Variants in CDK5RAP1 observed in about 807,000 individuals in gnomAD.
The protein encoded by CDK5RAP1 is mitochondrial tRNA methylthiotransferase CDK5RAP1.
Under a neutral mutation model 64.5 loss-of-function variants are expected in CDK5RAP1, and 62 were observed. That is an observed-to-expected ratio of 0.96 (90% CI 0.78 to 1.19). CDK5RAP1 has a LOEUF of 1.19. CDK5RAP1 is among the 50% of genes most tolerant of loss of function. CDK5RAP1 has a pLI of 0.00. For synonymous variants in CDK5RAP1, 250 were observed against 261.9 expected, an observed-to-expected ratio of 0.95 and a Z score of 0.44; for missense variants, 657 against 735.0, an observed-to-expected ratio of 0.89 and a Z score of 1.23.
At chr20:33,370,375 CG>C (rs1984775118) in intron 11 of CDK5RAP1, 123 bp downstream of exon 11, 2 of 937,968 alleles carry the variant, frequency 2.1e-6, no homozygotes, top group Non-Finnish European at 1.6e-6. Flanking sequence ...GGAAGTGAAT[CG>C]TAAGAGCCTG....
chr20:33,384,725 G>T (rs1215097947), intron 7 of CDK5RAP1, among the ~76,000 whole-genome samples: 2 of 152,036 alleles, frequency 1.3e-5, no homozygotes, highest in Non-Finnish European at 2.9e-5. Context: ...AGCATAGTGA[G>T]ACCTCATCTC....
Position 33,360,404 on chromosome 20 carries a change from T to A in CDK5RAP1, c.1630A>T (p.Asn544Tyr). The change falls in exon 13 of 14, where the codon AAT (asparagine) becomes TAT (tyrosine). Residue 544 changes from asparagine (N) to tyrosine (Y), a missense_variant. By Grantham distance (143) the Asn-to-Tyr change is moderately radical (BLOSUM62 -2). Coordinates refer to ENST00000346416, the MANE Select transcript of CDK5RAP1 (RefSeq NM_016408.4). ...GCTCTGACCCTGAGCCCAGGGTTATTGACATCCTCCATCTCTGCATCAGGG... is the reference window on the plus strand; with the variant it reads ...GCTCTGACCCTGAGCCCAGGGTTATAGACATCCTCCATCTCTGCATCAGGG... The part of the protein sequence containing the change: ...IFPDAEMEDV[N>Y]NPGLRVRAQP... 6.2e-7 allele frequency: 1 copy of A among 1,613,998 alleles called. No individual in the cohort carries two copies. The highest frequency in any genetic ancestry group is 8.5e-7 in the Non-Finnish European group (1 of 1,179,884).
intron 10 of CDK5RAP1, among the ~76,000 whole-genome samples, chr20:33,372,395 A>C (rs559425214): frequency 6.6e-6 from 1 of 152,318 alleles, no homozygotes; most frequent in African/African-American, 2.4e-5. Flanking sequence ...AGACCATAGA[A>C]AAGGAATCTC....
Position 33,397,069 on chromosome 20 carries a change from C to G in CDK5RAP1, c.-5G>C, listed in dbSNP as rs199749497. The G allele has an allele frequency of 1.0e-3, 1,596 of 1,592,206 alleles. 3 individuals are homozygous for G. Among genetic ancestry groups the G allele is most frequent in the Non-Finnish European group, 1.0e-3 (1,184 of 1,169,180 alleles). ...GACACACTGTAAAGGGTGCATGGCA[C>G]TAAACAGCCCACAGTCTGCAAAAGA... On this transcript the variant is annotated 5_prime_UTR_variant, in exon 2 of 14. Transcript: ENST00000346416.
In CDK5RAP1 at chr20:33,370,696, T is replaced by C. The variant is rs751285624; in HGVS notation, c.1262-67A>G. 8 of 1,557,544 alleles carry C rather than the reference T, an allele frequency of 5.1e-6. No individual in the cohort carries two copies. In the Middle Eastern group the frequency reaches 5.1e-4, roughly 99 times the overall value. The stretch of plus-strand genomic sequence containing the variant: ...TTACCTTCAAGGGAGGCCTTCAGCA[T>C]ATGTGGATTACAAGGGAGGGATAGC... On this transcript the variant is annotated intron_variant, in intron 10 of 13. Transcript: ENST00000346416.
intron 12 of CDK5RAP1, among the ~76,000 whole-genome samples, chr20:33,361,680 C>T (rs763682404): frequency 4.4e-4 from 31 of 70,866 alleles, no homozygotes; most frequent in Non-Finnish European, 7.7e-4. Flanking sequence ...TCTGGCCAGG[C>T]GCAGTGGCTC....
chr20:33,367,027 AGAG>A lies in CDK5RAP1; in HGVS notation c.1393-22_1393-20del. ...GTGTCTTCTATTAAAAAAAAAAAAA[AGAG>A]AGAAGATGGAGGTCACCAAGGACTT... On this transcript the variant is annotated intron_variant, in intron 11 of 13. Transcript: ENST00000346416. 6.3e-7 allele frequency: 1 copy of A among 1,590,736 alleles called. No individual in the cohort carries two copies. Among genetic ancestry groups the A allele is most frequent in the Non-Finnish European group, 8.5e-7 (1 of 1,170,862 alleles).
At chr20:33,384,644 G>A (rs1042744227) in intron 7 of CDK5RAP1, among the ~76,000 whole-genome samples, 2 of 152,126 alleles carry the variant, frequency 1.3e-5, no homozygotes, top group African/African-American at 4.8e-5. Flanking sequence ...GCTCATGACT[G>A]TAATCCCAGC....
rs766215061 is a variant in CDK5RAP1 at position 33,385,696 on chromosome 20, C to T, written c.830G>A (p.Arg277Gln). 4.3e-6 allele frequency: 7 copies of T among 1,613,980 alleles called. No homozygotes were observed. The highest frequency in any genetic ancestry group is 5.9e-6 in the Non-Finnish European group (7 of 1,179,992). The stretch of plus-strand genomic sequence containing the variant: ...TTCCTCTAGAATGGAGGCAATAGGC[C>T]GACTCCTCTCCCTGCCCCGGGTGAA... ...VPFTRGRERS[R>Q]PIASILEEVK... is the part of the protein sequence containing the mutation. The change falls in exon 7 of 14, where the codon CGG (arginine) becomes CAG (glutamine). Residue 277 changes from arginine (R) to glutamine (Q), a missense_variant. Physicochemically the swap from Arg to Gln is conservative, Grantham distance 43. Coordinates refer to ENST00000346416, the MANE Select transcript of CDK5RAP1 (RefSeq NM_016408.4).
At chr20:33,375,529 T>C (rs1218511047) in intron 8 of CDK5RAP1, among the ~76,000 whole-genome samples, 1 of 152,008 alleles carries the variant, frequency 6.6e-6, no homozygotes, top group Non-Finnish European at 1.5e-5. Flanking sequence ...TAAAGAACTT[T>C]TACAACTCAA....
At chr20:33,394,257 G>A (rs552605617) in intron 3 of CDK5RAP1, among the ~76,000 whole-genome samples, 191 bp from the exon 4 acceptor site, 38 of 150,864 alleles carry the variant, frequency 2.5e-4, no homozygotes, top group East Asian at 9.7e-4. Context: ...CCTCCCGAGC[G>A]GTTCAAGCAA....
intron 7 of CDK5RAP1, among the ~76,000 whole-genome samples, chr20:33,383,223 G>A (rs1423216151): frequency 6.6e-6 from 1 of 151,990 alleles, no homozygotes; most frequent in East Asian, 1.9e-4. Flanking sequence ...ATTTTTAAAT[G>A]TTTAAAAAAG....
rs1373207449 is a variant in CDK5RAP1, at chr20:33,389,287, G to A, written c.545-1754C>T. Among the ~76,000 whole-genome samples the A allele has an allele frequency of 5.3e-5, 8 of 152,242 alleles. No homozygotes were observed. The East Asian group carries it at 1.6e-3, about 30-fold the overall frequency. On this transcript the variant is annotated intron_variant, in intron 5 of 13. Coordinates refer to ENST00000346416, the MANE Select transcript of CDK5RAP1 (RefSeq NM_016408.4). ...TCTGCCCGGCCGCGACCCCGTCTGG[G>A]AGGTGAGGAGCGTCTCTGCCCGGCC...
At chr20:33,382,250 C>T (rs1487253040) in intron 7 of CDK5RAP1, among the ~76,000 whole-genome samples, 1 of 152,142 alleles carries the variant, frequency 6.6e-6, no homozygotes, top group African/African-American at 2.4e-5. Context: ...GTAAAATACA[C>T]ACACATATAT....
At position 33,398,420 on chromosome 20, in the gene CDK5RAP1, G is replaced by A. The variant is rs375286712; in HGVS notation, c.-20-1336C>T. On this transcript the variant is annotated intron_variant, in intron 1 of 13. Transcript: ENST00000346416. ...GAGGCATGAGAATCTCTTGAGCTCA[G>A]GAGGAGAAGGTTGCAGTGAGCCAAG... Among the ~76,000 whole-genome samples the A allele has an allele frequency of 4.6e-5, 7 of 152,324 alleles. No individual in the cohort carries two copies. In the East Asian group the frequency reaches 9.6e-4, roughly 21 times the overall value.
rs942358694 is a variant in CDK5RAP1 at position 33,358,851 on chromosome 20, T to C, written c.*192A>G. The C allele has an allele frequency of 1.8e-6, 1 of 542,446 alleles. No individual in the cohort carries two copies. The highest frequency in any genetic ancestry group is 3.3e-6 in the Non-Finnish European group (1 of 306,546). The allele number at this position is 542,446 out of a possible 1,614,324, so 33.6% of individuals were successfully genotyped here. A position where few individuals can be genotyped will look rare whatever the true frequency, so the allele number is the denominator to read the frequency against. On this transcript the variant is annotated 3_prime_UTR_variant, in exon 14 of 14. Coordinates refer to ENST00000346416, the MANE Select transcript of CDK5RAP1 (RefSeq NM_016408.4). ...GAGAGACAAAGGGTTAACCTTAGTT[T>C]AGGTAAATTTAATGACTGTAAAAGC... is the stretch of plus-strand genomic sequence containing the variant.
chr20:33,370,516 CAA>C lies in CDK5RAP1; in HGVS notation c.1373_1374del (p.Phe458CysfsTer13). 6.2e-7 allele frequency: 1 copy of C among 1,614,112 alleles called. No individual in the cohort carries two copies. The highest frequency in any genetic ancestry group is 8.5e-7 in the Non-Finnish European group (1 of 1,180,014). On this transcript the variant is annotated frameshift_variant, in exon 11 of 14. Transcript: ENST00000346416. LOFTEE classifies it high-confidence loss of function. ...GGGCTCACCTGTCTCATGCTGTAGGCAAAGAGGAAGCCCATGTTGTACTGAAC... is the reference window on the plus strand; with the variant it reads ...GGGCTCACCTGTCTCATGCTGTAGGCAGAGGAAGCCCATGTTGTACTGAAC... ...REVQYNMGFL[F>X]AYSMRQKTRA...
chr20:33,363,773 T>C (rs1167060573), intron 12 of CDK5RAP1, among the ~76,000 whole-genome samples: 9 of 151,966 alleles, frequency 5.9e-5, no homozygotes, highest in Non-Finnish European at 1.3e-4. Flanking sequence ...GTTGTACACA[T>C]TATAGTACCA....
chr20:33,360,546 A>C, intron 12 of CDK5RAP1, 55 bp from the exon 13 acceptor site: 1 of 1,541,244 alleles, frequency 6.5e-7, no homozygotes, highest in South Asian at 1.2e-5. Context: ...AAGTTCTTGG[A>C]GGGTAGAAAC....
Sources: gnomAD v4.1 joint callset for allele counts (sites outside exome capture counted in the v4.1 genomes callset) on GRCh38, gnomAD v4.1.1 for gene constraint, MANE v1.5 for transcripts, NCBI Gene and HGNC (gene_info 2026-07-23, HGNC 2026-07-21) for gene names.